The following BLK variants were observed in gnomAD, a reference collection of about 807,000 sequenced individuals.
BLK encodes tyrosine-protein kinase Blk.
BLK carries 64 observed loss-of-function variants against 61.8 expected under a neutral mutation model. The ratio of observed to expected loss-of-function variants is 1.03; its 90% CI spans 0.85 to 1.27. The LOEUF (loss-of-function observed/expected upper bound fraction) is 1.27, where lower values mean the gene tolerates loss of function less well. Ranked by LOEUF, BLK falls within the 50% of genes most tolerant of loss-of-function variation. The pLI, the probability that BLK is intolerant of heterozygous loss-of-function variation, is 0.00. For synonymous variants in BLK, 351 were observed against 272.0 expected (o/e 1.29, Z -2.86); for missense variants, 853 against 660.5 (o/e 1.29, Z -3.19).
At chr8:11,535,458 T>A (rs1800096169) in intron 1 of BLK, among the ~76,000 whole-genome samples, 1 of 152,220 alleles carries the variant, frequency 6.6e-6, no homozygotes, top group African/African-American at 2.4e-5. Flanking sequence ...GTGTTTTCTA[T>A]CTTCATGTGT....
intron 9 of BLK, 103 bp downstream of exon 9, chr8:11,556,940 C>T: frequency 8.4e-7 from 1 of 1,195,602 alleles, no homozygotes; most frequent in Non-Finnish European, 1.1e-6. Context: ...CCAGGGGGTC[C>T]TGCAGATCTA....
At chr8:11,503,221 A>G (rs1041078722) in intron 1 of BLK, among the ~76,000 whole-genome samples, 4 of 152,184 alleles carry the variant, frequency 2.6e-5, no homozygotes, top group Admixed American at 6.5e-5. Context: ...CTAAAAGGAC[A>G]TTTGATGTTC....
chr8:11,535,684 TGAGCCTC>T (rs1800106911), intron 1 of BLK, among the ~76,000 whole-genome samples: 1 of 152,206 alleles, frequency 6.6e-6, no homozygotes, highest in African/African-American at 2.4e-5. Context: ...TAGGGATGCC[TGAGCCTC>T]GACCTATCTT....
intron 1 of BLK, among the ~76,000 whole-genome samples, chr8:11,498,171 G>A (rs995771494): frequency 6.6e-6 from 1 of 152,202 alleles, no homozygotes; most frequent in African/African-American, 2.4e-5. Flanking sequence ...ACCAGTGGGA[G>A]GCAAACAAGA....
chr8:11,536,473 C>A (rs1800137484), intron 1 of BLK, among the ~76,000 whole-genome samples: 1 of 152,306 alleles, frequency 6.6e-6, no homozygotes, highest in African/African-American at 2.4e-5. Flanking sequence ...TCACTGCAAC[C>A]TCCACCTCCT....
chr8:11,550,316 C>A, intron 6 of BLK, 54 bp downstream of exon 6: 2 of 1,530,096 alleles, frequency 1.3e-6, no homozygotes, highest in Non-Finnish European at 1.8e-6. Context: ...CGGGAAGGCG[C>A]CTCCAGAGGC....
chr8:11,554,597 G>A (rs900244097), intron 6 of BLK, 146 bp from the exon 7 acceptor site: 9 of 1,002,686 alleles, frequency 9.0e-6, no homozygotes, highest in Non-Finnish European at 1.2e-5. Flanking sequence ...TTGAGATGCA[G>A]GGAAAGGAAA....
chr8:11,501,351 C>G (rs1212272239), intron 1 of BLK, among the ~76,000 whole-genome samples: 2 of 106,414 alleles, frequency 1.9e-5, no homozygotes, highest in Non-Finnish European at 4.1e-5. Flanking sequence ...GCTAAACTCT[C>G]TCTCTTTTTT....
At chr8:11,521,999 T>C (rs1478117032) in intron 1 of BLK, among the ~76,000 whole-genome samples, 3 of 152,364 alleles carry the variant, frequency 2.0e-5, no homozygotes, top group South Asian at 4.1e-4. Flanking sequence ...ATTTGATTTT[T>C]AAGTAATTTG....
intron 1 of BLK, among the ~76,000 whole-genome samples, chr8:11,527,064 G>C (rs903120205): frequency 1.3e-5 from 2 of 152,168 alleles, no homozygotes; most frequent in African/African-American, 2.4e-5. Context: ...GGACGTCCTA[G>C]TGTCGCTTAT....
chr8:11,545,755 C>A, intron 2 of BLK: 1 of 467,120 alleles, frequency 2.1e-6, no homozygotes, highest in Non-Finnish European at 3.9e-6. Flanking sequence ...ATGGTAGAGC[C>A]AGGATGTTAA....
chr8:11,494,973 C>A (rs1798310851), intron 1 of BLK, among the ~76,000 whole-genome samples: 1 of 152,324 alleles, frequency 6.6e-6, no homozygotes, highest in Non-Finnish European at 1.5e-5. Flanking sequence ...CTGTGCAGAG[C>A]TGACAGAGGT....
At chr8:11,533,237 T>G (rs1261199066) in intron 1 of BLK, among the ~76,000 whole-genome samples, 1 of 152,216 alleles carries the variant, frequency 6.6e-6, no homozygotes, top group Non-Finnish European at 1.5e-5. Context: ...CCTGAGACCT[T>G]TTCTTTTCTT....
At chr8:11,497,949 G>C (rs998159634) in intron 1 of BLK, among the ~76,000 whole-genome samples, 1 of 152,218 alleles carries the variant, frequency 6.6e-6, no homozygotes, top group African/African-American at 2.4e-5. Context: ...CTCAAGCACA[G>C]ACATGAGAAC....
intron 1 of BLK, among the ~76,000 whole-genome samples, chr8:11,524,187 T>C (rs1263534152): frequency 2.6e-5 from 4 of 152,218 alleles, no homozygotes; most frequent in African/African-American, 9.6e-5. Context: ...AAATTACATT[T>C]ATTTATATAT....
At chr8:11,534,960 G>A (rs1453381807) in intron 1 of BLK, among the ~76,000 whole-genome samples, 1 of 152,178 alleles carries the variant, frequency 6.6e-6, no homozygotes, top group Non-Finnish European at 1.5e-5. Flanking sequence ...GATTGCTTGA[G>A]TCCAGGCATT....
chr8:11,510,903 C>T (rs185521420), intron 1 of BLK, among the ~76,000 whole-genome samples: 52 of 152,224 alleles, frequency 3.4e-4, no homozygotes, highest in Admixed American at 3.1e-3. Flanking sequence ...TGTTAAAGTA[C>T]GAGATTCTGC....
chr8:11,531,282 T>C (rs1799877202), intron 1 of BLK, among the ~76,000 whole-genome samples: 1 of 152,232 alleles, frequency 6.6e-6, no homozygotes, highest in African/African-American at 2.4e-5. Flanking sequence ...CTTAATGGTG[T>C]TTTTAAAGTG....
intron 1 of BLK, among the ~76,000 whole-genome samples, chr8:11,501,047 A>G (rs974093805): frequency 1.3e-5 from 2 of 152,016 alleles, no homozygotes; most frequent in African/African-American, 4.8e-5. Context: ...CATCTCTACC[A>G]AAAATACAAA....
Sources: allele counts gnomAD v4.1 joint callset (sites outside exome capture counted in the v4.1 genomes callset), GRCh38; gene constraint gnomAD v4.1.1; transcripts MANE v1.5; gene names NCBI Gene and HGNC (gene_info 2026-07-23, HGNC 2026-07-21).